Variants in VWA8 observed in about 807,000 individuals in gnomAD.
VWA8 encodes the protein von Willebrand factor A domain containing 8, also known as von Willebrand factor A domain-containing protein 8.
VWA8 carries 221 observed loss-of-function variants against 241.5 expected under a neutral mutation model. That is an observed-to-expected ratio of 0.91 (90% CI 0.82 to 1.02). VWA8 has a LOEUF of 1.02. VWA8 is among the 50% of genes least tolerant of loss of function. The pLI is 0.00. For missense variants in VWA8, 2,322 were observed against 2,328.7 expected (o/e 1.00, Z 0.06); for synonymous variants, 852 against 827.1 (o/e 1.03, Z -0.52).
intron 20 of VWA8, among the ~76,000 whole-genome samples, chr13:41,775,371 T>G (rs1194701595): frequency 6.6e-6 from 1 of 152,238 alleles, no homozygotes; most frequent in Non-Finnish European, 1.5e-5. Flanking sequence ...CCCTTTGTAA[T>G]TTCTTCTTTC....
chr13:41,896,202 A>AT (rs1404629539), intron 4 of VWA8, among the ~76,000 whole-genome samples: 1 of 151,906 alleles, frequency 6.6e-6, no homozygotes, highest in Non-Finnish European at 1.5e-5. Context: ...TTGGAAAAAA[A>AT]TTTTTTTTGC....
At chr13:41,728,577 T>A (rs912345619) in intron 23 of VWA8, among the ~76,000 whole-genome samples, 3 of 151,928 alleles carry the variant, frequency 2.0e-5, no homozygotes, top group Non-Finnish European at 4.4e-5. Context: ...GTCCTCATAA[T>A]GCCTCATAAG....
At chr13:41,603,110 AC>A (rs2044532178) in intron 40 of VWA8, among the ~76,000 whole-genome samples, 1 of 151,890 alleles carries the variant, frequency 6.6e-6, no homozygotes, top group South Asian at 2.1e-4. Flanking sequence ...ATTGACTCCA[AC>A]CCCCTTAAGG....
intron 42 of VWA8, among the ~76,000 whole-genome samples, chr13:41,583,276 A>AAATATCCCCT (rs2139642051): frequency 6.6e-6 from 1 of 152,236 alleles, no homozygotes; most frequent in Non-Finnish European, 1.5e-5. Flanking sequence ...GCCTGTTAGG[A>AAATATCCCCT]GTTTTGGAAA....
intron 27 of VWA8, 115 bp from the exon 28 acceptor site, chr13:41,701,645 A>G (rs2045250843): frequency 1.0e-6 from 1 of 994,784 alleles, no homozygotes; most frequent in Admixed American, 3.7e-5. Context: ...ATCCTGCTAT[A>G]CCTTTTTTCA....
rs1871569635 is a variant in VWA8 at position 41,833,467 on chromosome 13, C to T, written c.1490G>A (p.Arg497Gln). 16 of 1,613,784 alleles carry T rather than the reference C, an allele frequency of 9.9e-6. No individual in the cohort carries two copies. The highest frequency in any genetic ancestry group is 5.5e-5 in the South Asian group (5 of 91,046). ...AGCAGCATTCACAAGGGGTGAGGACCGCCAGGCAGTGTCTCCATTTGGAAG... is the reference window on the plus strand; with the variant it reads ...AGCAGCATTCACAAGGGGTGAGGACTGCCAGGCAGTGTCTCCATTTGGAAG... ...YTLPNGDTAW[R>Q]SSPLVNAALE... is the part of the protein sequence containing the mutation. The change falls in exon 13 of 45, where the codon CGG becomes CAG. Residue 497 changes from arginine (R) to glutamine (Q), a missense_variant. Coordinates refer to ENST00000379310, the MANE Select transcript of VWA8 (RefSeq NM_015058.2).
intron 17 of VWA8, among the ~76,000 whole-genome samples, chr13:41,799,911 C>T (rs751799819): frequency 2.0e-4 from 30 of 152,108 alleles, no homozygotes; most frequent in African/African-American, 2.9e-4. Context: ...AAAGATCCCC[C>T]GTACCCACTA....
intron 21 of VWA8, among the ~76,000 whole-genome samples, chr13:41,744,590 A>G (rs1180708400): frequency 6.6e-6 from 1 of 151,884 alleles, no homozygotes; most frequent in East Asian, 1.9e-4. Flanking sequence ...ATAAAACTAA[A>G]ACAAAACAAA....
Position 41,833,429 on chromosome 13 carries a change from G to A in VWA8, c.1528C>T (p.Leu510=). 4 of 1,614,040 alleles carry A rather than the reference G, an allele frequency of 2.5e-6. No homozygotes were observed. Among genetic ancestry groups the A allele is most frequent in the Non-Finnish European group, 3.4e-6 (4 of 1,179,984 alleles). Residue 510 remains leucine (L), a synonymous_variant, in exon 13 of 45, where the codon CTG becomes TTG. Transcript: ENST00000379310. The part of the protein sequence containing the change: ...PLVNAALEGK[L]VLLDGIHRVN... ...CGGTGAATGCCATCCAGCAGGACCA[G>A]CTTGCCTTCCAGAGCAGCATTCACA...
intron 17 of VWA8, among the ~76,000 whole-genome samples, chr13:41,802,863 G>A (rs1179224702): frequency 6.6e-6 from 1 of 152,218 alleles, no homozygotes; most frequent in Admixed American, 6.5e-5. Context: ...CTCACCACAA[G>A]CCTTGGGCAA....
intron 9 of VWA8, among the ~76,000 whole-genome samples, chr13:41,870,475 C>A (rs2138056829): frequency 6.6e-6 from 1 of 151,934 alleles, no homozygotes; most frequent in East Asian, 1.9e-4. Context: ...CCCGTCTCTA[C>A]TAAAAATACA....
At chr13:41,832,199 G>C (rs1871500442) in intron 13 of VWA8, among the ~76,000 whole-genome samples, 1 of 152,134 alleles carries the variant, frequency 6.6e-6, no homozygotes, top group African/African-American at 2.4e-5. Context: ...AAAGCACTGG[G>C]ATGATAGGCG....
intron 2 of VWA8, among the ~76,000 whole-genome samples, chr13:41,929,415 G>T (rs1593877478): frequency 6.6e-6 from 1 of 151,966 alleles, no homozygotes; most frequent in Non-Finnish European, 1.5e-5. Context: ...GGCCTCCCAA[G>T]GTACTGGGAT....
At chr13:41,741,636 ATTGTAGG>A (rs751763942) in intron 21 of VWA8, among the ~76,000 whole-genome samples, 84 of 152,334 alleles carry the variant, frequency 5.5e-4, no homozygotes, top group Non-Finnish European at 1.1e-3. Flanking sequence ...TGCCTTCAAC[ATTGTAGG>A]CATGCAAAAA....
intron 17 of VWA8, among the ~76,000 whole-genome samples, chr13:41,803,323 T>C (rs894284527): frequency 3.3e-5 from 5 of 151,962 alleles, no homozygotes; most frequent in African/African-American, 1.2e-4. Flanking sequence ...TACCAAACAA[T>C]CAAATAAGGC....
At chr13:41,801,761 T>C (rs940420531) in intron 17 of VWA8, among the ~76,000 whole-genome samples, 2 of 152,212 alleles carry the variant, frequency 1.3e-5, no homozygotes, top group Non-Finnish European at 2.9e-5. Context: ...AAAGTTCCAA[T>C]GCAAATTTTA....
intron 42 of VWA8, 144 bp downstream of exon 42, chr13:41,587,367 TA>T: frequency 9.6e-7 from 1 of 1,046,454 alleles, no homozygotes; most frequent in South Asian, 1.9e-5. Context: ...CTACTTCAGA[TA>T]AAACAAAAGC....
intron 12 of VWA8, among the ~76,000 whole-genome samples, chr13:41,842,252 T>C (rs566256937): frequency 2.0e-5 from 3 of 152,322 alleles, no homozygotes; most frequent in East Asian, 1.9e-4. Flanking sequence ...AACGCAGGCA[T>C]GCTGCCAACA....
At chr13:41,620,989 G>A (rs2044653482) in intron 37 of VWA8, among the ~76,000 whole-genome samples, 2 of 152,036 alleles carry the variant, frequency 1.3e-5, no homozygotes, top group African/African-American at 4.8e-5. Flanking sequence ...TGGTAAATAA[G>A]GTGATCAAAG....
Sources: allele counts gnomAD v4.1 joint callset (sites outside exome capture counted in the v4.1 genomes callset), GRCh38; gene constraint gnomAD v4.1.1; transcripts MANE v1.5; gene names NCBI Gene and HGNC (gene_info 2026-07-23, HGNC 2026-07-21).